Variants in KCNK1 observed in about 807,000 individuals in gnomAD.
The protein encoded by KCNK1 is potassium channel subfamily K member 1.
A neutral mutation model predicts 22.2 loss-of-function variants in KCNK1; 10 were observed. The observed-to-expected ratio is 0.45, with a 90% confidence interval of 0.28 to 0.76. KCNK1 has a LOEUF of 0.76. Ranked by LOEUF, KCNK1 falls within the 30% of genes least tolerant of loss-of-function variation. The pLI is 0.14. For synonymous variants in KCNK1, 200 were observed against 186.4 expected (o/e 1.07, Z -0.60); for missense variants, 378 against 421.0 (o/e 0.90, Z 0.89).
chr1:233,670,475 T>G (rs1658577975), intron 2 of KCNK1, among the ~76,000 whole-genome samples: 1 of 152,214 alleles, frequency 6.6e-6, no homozygotes, highest in African/African-American at 2.4e-5. Context: ...GAAAGAGGTT[T>G]AATTGGACTT....
intron 1 of KCNK1, chr1:233,631,594 A>G (rs1041900816): frequency 2.6e-5 from 7 of 271,944 alleles, no homozygotes; most frequent in Non-Finnish European, 5.1e-5. Flanking sequence ...CTCACTCATC[A>G]TCTCTACTCT....
intron 1 of KCNK1, among the ~76,000 whole-genome samples, chr1:233,634,657 C>T (rs1657867303): frequency 6.6e-6 from 1 of 152,220 alleles, no homozygotes; most frequent in Non-Finnish European, 1.5e-5. Flanking sequence ...ACCAGATGCT[C>T]TGCAACAGTG....
intron 1 of KCNK1, among the ~76,000 whole-genome samples, chr1:233,641,063 C>A (rs1204242915): frequency 1.3e-5 from 2 of 152,194 alleles, no homozygotes; most frequent in African/African-American, 4.8e-5. Context: ...AAATTGGCAT[C>A]TCTCTTAAAA....
chr1:233,665,952 C>G (rs1658480666), intron 1 of KCNK1, among the ~76,000 whole-genome samples: 1 of 152,216 alleles, frequency 6.6e-6, no homozygotes, highest in Admixed American at 6.5e-5. Flanking sequence ...TGGAGTTACT[C>G]ATGTCAAGGG....
chr1:233,655,915 A>G (rs1658288330), intron 1 of KCNK1: 1 of 148,068 alleles, frequency 6.8e-6, no homozygotes. Context: ...AAAAAAAAAA[A>G]ACGGCTCCAA....
At chr1:233,644,970 G>A (rs560898051) in intron 1 of KCNK1, among the ~76,000 whole-genome samples, 7 of 152,190 alleles carry the variant, frequency 4.6e-5, no homozygotes, top group African/African-American at 1.7e-4. Flanking sequence ...CAAGGCGGGT[G>A]GATCACGAGG....
intron 1 of KCNK1, among the ~76,000 whole-genome samples, chr1:233,617,225 G>A (rs1038040422): frequency 6.6e-6 from 1 of 152,152 alleles, no homozygotes; most frequent in Non-Finnish European, 1.5e-5. Context: ...GTGCTTTTAT[G>A]TCAGAATCTT....
intron 1 of KCNK1, among the ~76,000 whole-genome samples, chr1:233,665,073 A>C (rs1260837084): frequency 6.6e-6 from 1 of 152,180 alleles, no homozygotes; most frequent in Non-Finnish European, 1.5e-5. Flanking sequence ...ATTTGGGAAA[A>C]ACTTCAACCA....
chr1:233,625,389 G>GT (rs1657671540), intron 1 of KCNK1, among the ~76,000 whole-genome samples: 1 of 152,156 alleles, frequency 6.6e-6, no homozygotes, highest in Admixed American at 6.5e-5. Flanking sequence ...TGGAGGAAAA[G>GT]TTTTATGGTT....
chr1:233,665,416 C>G (rs1330123842), intron 1 of KCNK1, among the ~76,000 whole-genome samples: 1 of 152,186 alleles, frequency 6.6e-6, no homozygotes, highest in African/African-American at 2.4e-5. Flanking sequence ...TCTGTTCACT[C>G]GGTAGTCAGA....
intron 1 of KCNK1, among the ~76,000 whole-genome samples, chr1:233,635,698 G>T (rs1657885321): frequency 1.3e-5 from 2 of 152,124 alleles, no homozygotes; most frequent in Admixed American, 1.3e-4. Flanking sequence ...TATTTTGGGG[G>T]CACCTACTGT....
At chr1:233,644,910 G>C (rs998971098) in intron 1 of KCNK1, among the ~76,000 whole-genome samples, 2 of 149,382 alleles carry the variant, frequency 1.3e-5, no homozygotes, top group African/African-American at 4.9e-5. Flanking sequence ...AATTTCAAAA[G>C]TAGACTGGGT....
chr1:233,634,078 C>T (rs1053347792), intron 1 of KCNK1, among the ~76,000 whole-genome samples: 1 of 151,992 alleles, frequency 6.6e-6, no homozygotes, highest in Non-Finnish European at 1.5e-5. Flanking sequence ...GAGGCCGAGG[C>T]GGGCGAATCA....
chr1:233,627,705 C>T (rs1657715346), intron 1 of KCNK1, among the ~76,000 whole-genome samples: 1 of 152,066 alleles, frequency 6.6e-6, no homozygotes, highest in African/African-American at 2.4e-5. Context: ...ATCTGTCATC[C>T]ACTGCTACTC....
At chr1:233,637,688 C>T (rs1657924987) in intron 1 of KCNK1, among the ~76,000 whole-genome samples, 1 of 152,124 alleles carries the variant, frequency 6.6e-6, no homozygotes, top group South Asian at 2.1e-4. Context: ...TGTGTAAAAC[C>T]TACAGATTGG....
intron 2 of KCNK1, among the ~76,000 whole-genome samples, 154 bp from the exon 3 acceptor site, chr1:233,671,117 A>G (rs1325106269): frequency 6.6e-6 from 1 of 152,226 alleles, no homozygotes; most frequent in East Asian, 1.9e-4. Context: ...TCTTTGAACC[A>G]TGAACTTAAA....
At chr1:233,622,740 T>C (rs1042747363) in intron 1 of KCNK1, among the ~76,000 whole-genome samples, 2 of 152,220 alleles carry the variant, frequency 1.3e-5, no homozygotes, top group African/African-American at 2.4e-5. Flanking sequence ...TCAGAAGGGC[T>C]TATCTGTGAC....
chr1:233,628,781 T>TAAA (rs2102886855), intron 1 of KCNK1, among the ~76,000 whole-genome samples: 1 of 151,846 alleles, frequency 6.6e-6, no homozygotes, highest in East Asian at 1.9e-4. Context: ...ATAATAATAA[T>TAAA]AAATTTTAAA....
In KCNK1 at chr1:233,665,894, C is replaced by T. The variant is rs75145478; in HGVS notation, c.356-701C>T. On this transcript the variant is annotated intron_variant, in intron 1 of 2. Coordinates refer to ENST00000366621, the MANE Select transcript of KCNK1 (RefSeq NM_002245.4). ...TTTATTAAGCATAACATCTTGTCCA[C>T]GTTGGCAAAGTGCCCTATGAAATGT... is the stretch of plus-strand genomic sequence containing the variant. Among the ~76,000 whole-genome samples the T allele has an allele frequency of 5.1e-3, 774 of 152,318 alleles. 21 individuals are homozygous for T. In the East Asian group the frequency reaches 0.062, roughly 12 times the overall value.
Sources: gnomAD v4.1 joint callset for allele counts (sites outside exome capture counted in the v4.1 genomes callset) on GRCh38, gnomAD v4.1.1 for gene constraint, MANE v1.5 for transcripts, NCBI Gene and HGNC (gene_info 2026-07-23, HGNC 2026-07-21) for gene names.